Variants in DRC8 observed in about 807,000 individuals in gnomAD.
DRC8 encodes dynein regulatory complex subunit 8.
At chr1:245,059,401 T>C in the DRC8 span, 44 of 1,611,362 alleles carry the variant, frequency 2.7e-5, no homozygotes, top group Non-Finnish European at 3.6e-5. Flanking sequence ...TTGGAACAAT[T>C]ATCAGGTCAT....
the DRC8 span, among the ~76,000 whole-genome samples, chr1:245,023,813 A>G: frequency 6.6e-6 from 1 of 152,126 alleles, no homozygotes; most frequent in Non-Finnish European, 1.5e-5. Context: ...ATGGTATGAT[A>G]CTATATAAAC....
the DRC8 span, among the ~76,000 whole-genome samples, chr1:245,095,307 C>T: frequency 5.3e-5 from 8 of 152,132 alleles, no homozygotes; most frequent in East Asian, 1.9e-4. Flanking sequence ...AGCTACACCC[C>T]GCTGGAGGGA....
the DRC8 span, among the ~76,000 whole-genome samples, chr1:245,039,956 C>G: frequency 6.6e-6 from 1 of 152,122 alleles, no homozygotes; most frequent in South Asian, 2.1e-4. Flanking sequence ...CCAGGTTTCC[C>G]CACAGCAAAG....
chr1:245,013,506 A>C, the DRC8 span, among the ~76,000 whole-genome samples: 7 of 152,228 alleles, frequency 4.6e-5, no homozygotes, highest in Non-Finnish European at 8.8e-5. Context: ...GCAAATATAC[A>C]AAGGTGAATT....
chr1:244,986,460 G>A, the DRC8 span, among the ~76,000 whole-genome samples: 1 of 152,176 alleles, frequency 6.6e-6, no homozygotes, highest in South Asian at 2.1e-4. Flanking sequence ...TTTGAAAGTA[G>A]GCAGAGGCCA....
chr1:245,115,702 G>A, the DRC8 span, among the ~76,000 whole-genome samples: 6 of 152,310 alleles, frequency 3.9e-5, no homozygotes, highest in South Asian at 2.1e-4. Context: ...GGAGGTGGGC[G>A]TGTGAACAGG....
chr1:245,005,916 G>A, the DRC8 span, among the ~76,000 whole-genome samples: 1 of 152,004 alleles, frequency 6.6e-6, no homozygotes, highest in Non-Finnish European at 1.5e-5. Context: ...AGGAGTGTCC[G>A]TCACAAAGGC....
chr1:245,008,792 C>A, the DRC8 span, among the ~76,000 whole-genome samples: 1 of 151,722 alleles, frequency 6.6e-6, no homozygotes, highest in Non-Finnish European at 1.5e-5. Flanking sequence ...TGTCAGCCTC[C>A]CGAGTAGTTG....
At chr1:244,971,325 C>T in the DRC8 span, among the ~76,000 whole-genome samples, 1 of 152,270 alleles carries the variant, frequency 6.6e-6, no homozygotes, top group Non-Finnish European at 1.5e-5. Flanking sequence ...CCACCCAGCC[C>T]CGCGCGGTGG....
the DRC8 span, among the ~76,000 whole-genome samples, chr1:245,064,888 G>T: frequency 1.3e-5 from 2 of 151,940 alleles, no homozygotes; most frequent in African/African-American, 4.8e-5. Context: ...ATTTCACAAA[G>T]ATTTACGTTG....
chr1:245,017,329 G>C, the DRC8 span: 1 of 1,572,824 alleles, frequency 6.4e-7, no homozygotes, highest in Non-Finnish European at 8.6e-7. Flanking sequence ...GATGTGAGGT[G>C]TGGAAATATT....
chr1:245,082,307 T>C, the DRC8 span: 1 of 647,700 alleles, frequency 1.5e-6, no homozygotes, highest in South Asian at 2.0e-5. Flanking sequence ...TTCAAGCTAC[T>C]TCTGAACTGG....
the DRC8 span, among the ~76,000 whole-genome samples, chr1:245,009,903 G>C: frequency 9.2e-5 from 14 of 152,098 alleles, no homozygotes; most frequent in Non-Finnish European, 1.9e-4. Context: ...TGCCCAGGCT[G>C]GAGTGCAGTG....
chr1:245,091,881 C>T, the DRC8 span: 1 of 152,286 alleles, frequency 6.6e-6, no homozygotes, highest in East Asian at 1.9e-4. Context: ...TGTAAGTCAC[C>T]ATATGCCATT....
At chr1:245,062,852 G>C in the DRC8 span, among the ~76,000 whole-genome samples, 1 of 152,148 alleles carries the variant, frequency 6.6e-6, no homozygotes, top group Non-Finnish European at 1.5e-5. Context: ...CAATCTGTCT[G>C]CTCATTATAT....
chr1:245,033,647 T>G, the DRC8 span, among the ~76,000 whole-genome samples: 18 of 152,202 alleles, frequency 1.2e-4, no homozygotes, highest in South Asian at 2.1e-4. Flanking sequence ...TTCCTGAGGT[T>G]GTTGTCTCTT....
At chr1:245,035,740 A>G in the DRC8 span, among the ~76,000 whole-genome samples, 1 of 151,792 alleles carries the variant, frequency 6.6e-6, no homozygotes, top group African/African-American at 2.4e-5. Flanking sequence ...GGTGGTACAC[A>G]CCTGTAATCC....
At chr1:245,007,715 A>G in the DRC8 span, among the ~76,000 whole-genome samples, 2 of 152,186 alleles carry the variant, frequency 1.3e-5, no homozygotes, top group African/African-American at 4.8e-5. Context: ...GATTAGGAGT[A>G]TGGGGCTATG....
At chr1:245,047,270 A>T in the DRC8 span, among the ~76,000 whole-genome samples, 402 of 152,352 alleles carry the variant, frequency 2.6e-3, 1 homozygote, top group African/African-American at 9.2e-3. Flanking sequence ...GTCAATTAAC[A>T]CATATTTTAT....
Sources: allele counts gnomAD v4.1 joint callset (sites outside exome capture counted in the v4.1 genomes callset), GRCh38; gene constraint gnomAD v4.1.1; transcripts MANE v1.5; gene names NCBI Gene and HGNC (gene_info 2026-07-23, HGNC 2026-07-21).